The following PPP1R26 variants were observed in gnomAD, a reference collection of about 807,000 sequenced individuals.
The protein encoded by PPP1R26 is 1A6/DRIM (down-regulated in metastasis) interacting protein.
PPP1R26 carries 22 observed loss-of-function variants against 67.6 expected under a neutral mutation model. The observed-to-expected ratio is 0.33, with a 90% CI of 0.23 to 0.46. The LOEUF is 0.46. PPP1R26 is among the 20% of genes least tolerant of loss of function. The pLI is 1.00. For synonymous variants in PPP1R26, 729 were observed against 717.2 expected, an observed-to-expected ratio of 1.02 and a Z score of -0.26; for missense variants, 1,602 against 1,651.4, an observed-to-expected ratio of 0.97 and a Z score of 0.52.
At chr9:135,483,191 TA>T (rs902869162) in intron 2 of PPP1R26, among the ~76,000 whole-genome samples, 6 of 151,976 alleles carry the variant, frequency 3.9e-5, no homozygotes, top group African/African-American at 1.5e-4. Context: ...GGAGTTTCAC[TA>T]TATTGGTCAG....
Position 135,487,647 on chromosome 9 carries a change from G to T in PPP1R26, c.3137G>T (p.Gly1046Val). ...AGCCCGTGGGTGCTGCGCTCCGAAG[G>T]CAGAGATGCAGTGTGGAGGGGGGGC... ...LPSPWVLRSE[G>V]RDAVWRGGVG... Residue 1046 changes from glycine (G) to valine (V), a missense_variant, in exon 4 of 4, where the codon GGC becomes GTC. By Grantham distance (109) the Gly-to-Val change is moderately radical. Coordinates refer to ENST00000356818, the MANE Select transcript of PPP1R26 (RefSeq NM_014811.5). The T allele has an allele frequency of 6.8e-7, 1 of 1,473,208 alleles. No individual in the cohort carries two copies. The highest frequency in any genetic ancestry group is 9.0e-7 in the Non-Finnish European group (1 of 1,111,914). The allele number at this position is 1,473,208 out of a possible 1,614,324, so 91.3% of individuals were successfully genotyped here. A position where few individuals can be genotyped will look rare whatever the true frequency, so the allele number is the denominator to read the frequency against.
Position 135,484,755 on chromosome 9 carries a change from G to T in PPP1R26, c.245G>T (p.Arg82Met). The change falls in exon 4 of 4, where the codon AGG becomes ATG. Residue 82 changes from arginine (R) to methionine (M), a missense_variant. By Grantham distance (91) the Arg-to-Met change is moderately conservative (BLOSUM62 -1). This residue lies in a region of PPP1R26 where 168 missense variants were observed against 176.1 expected (regional missense o/e 0.95). Coordinates refer to ENST00000356818, the MANE Select transcript of PPP1R26 (RefSeq NM_014811.5). ...AGGGCAGAGGGATGCCACGACGCCA[G>T]GCCGGCTGCCAAGCCCACCGTGCAC... ...GHRAEGCHDARPAAKPTVHKE... is the reference protein window; with the variant it reads ...GHRAEGCHDAMPAAKPTVHKE... 6.2e-7 allele frequency: 1 copy of T among 1,610,580 alleles called. No individual in the cohort carries two copies. Among genetic ancestry groups the T allele is most frequent in the Non-Finnish European group, 8.5e-7 (1 of 1,179,110 alleles).
rs1165282380 is a variant in PPP1R26 at position 135,479,800 on chromosome 9, C to G, written c.-551C>G. ...CGCCCCTCCCCTCCCGCGCTTCCCA[C>G]GGCGCGGCCCGGGCGCGGGGCGGCG... On this transcript the variant is annotated 5_prime_UTR_variant, in exon 1 of 4. Transcript: ENST00000356818. This position sits in a 1 kb window ranked among gnomAD's most constrained non-coding sequence, Gnocchi z 5.9. 2 of 142,008 alleles carry G rather than the reference C, an allele frequency of 1.4e-5. No homozygotes were observed. Among genetic ancestry groups the G allele is most frequent in the Non-Finnish European group, 3.1e-5 (2 of 64,382 alleles). The allele number at this position is 142,008 out of a possible 1,614,324, so 8.8% of individuals were successfully genotyped here. A position where few individuals can be genotyped will look rare whatever the true frequency, so the allele number is the denominator to read the frequency against.
Position 135,484,944 on chromosome 9 carries a change from G to C in PPP1R26, c.434G>C (p.Ser145Thr). Residue 145 changes from serine to threonine, a missense_variant, in exon 4 of 4, where the codon AGT (serine) becomes ACT (threonine). Coordinates refer to ENST00000356818, the MANE Select transcript of PPP1R26 (RefSeq NM_014811.5). Reference protein sequence around the residue: ...EAIQEYLKAKSGAAQPGAGGA... With the variant: ...EAIQEYLKAKTGAAQPGAGGA... ...ATCCAGGAGTACCTGAAGGCAAAGAGTGGAGCCGCACAGCCCGGGGCCGGC... is the reference window on the plus strand; with the variant it reads ...ATCCAGGAGTACCTGAAGGCAAAGACTGGAGCCGCACAGCCCGGGGCCGGC... 6.3e-7 allele frequency: 1 copy of C among 1,581,156 alleles called. No individual in the cohort carries two copies. Among genetic ancestry groups the C allele is most frequent in the Non-Finnish European group, 8.6e-7 (1 of 1,163,292 alleles).
Position 135,486,426 on chromosome 9 carries a change from T to C in PPP1R26, c.1916T>C (p.Ile639Thr). The change falls in exon 4 of 4, where the codon ATC (isoleucine) becomes ACC (threonine). Residue 639 changes from isoleucine (I) to threonine (T), a missense_variant. Transcript: ENST00000356818. This position sits in a 1 kb window ranked among gnomAD's most constrained non-coding sequence, Gnocchi z 6.2. Reference protein sequence around the residue: ...EPGHERRDLPIQGKASEALGG... With the variant: ...EPGHERRDLPTQGKASEALGG... ...GGCCATGAGAGGCGAGACCTGCCCA[T>C]CCAGGGCAAAGCCAGTGAGGCCCTG... 2 of 1,612,970 alleles carry C rather than the reference T, an allele frequency of 1.2e-6. No individual in the cohort carries two copies. Among genetic ancestry groups the C allele is most frequent in the Non-Finnish European group, 1.7e-6 (2 of 1,179,816 alleles).
chr9:135,487,560 C>G lies in PPP1R26; in HGVS notation c.3050C>G (p.Ala1017Gly). 3 of 1,561,062 alleles carry G rather than the reference C, an allele frequency of 1.9e-6. No individual in the cohort carries two copies. Among genetic ancestry groups the G allele is most frequent in the Non-Finnish European group, 1.7e-6 (2 of 1,155,008 alleles). The stretch of plus-strand genomic sequence containing the variant: ...CCCAGCCCGGGAGCGGAGAGGGACG[C>G]TGGAGCCCAGGCCGACCGCACACCG... ...LTPSPGAERD[A>G]GAQADRTPPW... is the part of the protein sequence containing the mutation. Residue 1017 changes from alanine to glycine, a missense_variant, in exon 4 of 4, where the codon GCT (alanine) becomes GGT (glycine). Ala to Gly is a moderately conservative substitution (Grantham distance 60). Transcript: ENST00000356818.
At chr9:135,480,914 CCGCT>C (rs1267833980) in intron 1 of PPP1R26, 1 of 152,526 alleles carries the variant, frequency 6.6e-6, no homozygotes, top group Admixed American at 6.5e-5. Context: ...GGAGGTAAGA[CCGCT>C]GGCTGAGCTG....
chr9:135,481,992 C>T (rs1449001835), intron 1 of PPP1R26, among the ~76,000 whole-genome samples: 1 of 152,204 alleles, frequency 6.6e-6, no homozygotes, highest in Non-Finnish European at 1.5e-5. Context: ...TCCAGGCCTT[C>T]TCTGCAACCA....
chr9:135,486,849 T>A lies in PPP1R26; in HGVS notation c.2339T>A (p.Met780Lys), dbSNP rs1830753151. 1.2e-6 allele frequency: 2 copies of A among 1,611,314 alleles called. No individual in the cohort carries two copies. Among genetic ancestry groups the A allele is most frequent in the African/African-American group, 2.7e-5 (2 of 74,868 alleles). The change falls in exon 4 of 4, where the codon ATG (methionine) becomes AAG (lysine). Residue 780 changes from methionine (M) to lysine (K), a missense_variant. Met to Lys is a moderately conservative substitution (Grantham distance 95, BLOSUM62 -1). Coordinates refer to ENST00000356818, the MANE Select transcript of PPP1R26 (RefSeq NM_014811.5). This position sits in a 1 kb window ranked among gnomAD's most constrained non-coding sequence, Gnocchi z 6.2. ...PSVFGSTAER[M>K]RQEGAASQDA... ...GTCTTTGGCAGCACGGCAGAGAGGA[T>A]GAGGCAGGAGGGTGCCGCGAGCCAG...
At position 135,485,365 on chromosome 9, in the gene PPP1R26, G is replaced by A; in HGVS notation, c.855G>A (p.Lys285=). 6.2e-7 allele frequency: 1 copy of A among 1,612,890 alleles called. No homozygotes were observed. The highest frequency in any genetic ancestry group is 1.7e-5 in the Admixed American group (1 of 60,010). Residue 285 remains lysine (K), a synonymous_variant, in exon 4 of 4, where the codon AAG becomes AAA. Transcript: ENST00000356818. The surrounding 1 kb of genome is among the most constrained non-coding windows in gnomAD (Gnocchi z 7.2). ...VHRQGLLGVQ[K]EFAFRKPPRL... ...GGCAGGGCCTGCTGGGCGTCCAGAA[G>A]GAGTTTGCCTTCCGCAAACCTCCCC...
Position 135,484,574 on chromosome 9 carries a change from C to T in PPP1R26, c.64C>T (p.Pro22Ser). ...GTCCAAATGGGAGGCCTTTGGCCCG[C>T]CAGGGAGCTGTAGGTTCCCCAGGTG... ...LQSKWEAFGP[P>S]GSCRFPRCFS... is the part of the protein sequence containing the mutation. Residue 22 changes from proline (P) to serine (S), a missense_variant, in exon 4 of 4, where the codon CCA becomes TCA. This residue lies in a region of PPP1R26 where 168 missense variants were observed against 176.1 expected (regional missense o/e 0.95). Coordinates refer to ENST00000356818, the MANE Select transcript of PPP1R26 (RefSeq NM_014811.5). 6.2e-7 allele frequency: 1 copy of T among 1,612,352 alleles called. No individual in the cohort carries two copies. The highest frequency in any genetic ancestry group is 8.5e-7 in the Non-Finnish European group (1 of 1,179,914).
chr9:135,486,888 C>T lies in PPP1R26; in HGVS notation c.2378C>T (p.Ala793Val). The change falls in exon 4 of 4, where the codon GCC becomes GTC. Residue 793 changes from alanine to valine, a missense_variant. Ala to Val is a moderately conservative substitution (Grantham distance 64). This residue lies in a region of PPP1R26 where 740 missense variants were observed against 696.3 expected (regional missense o/e 1.06). Transcript: ENST00000356818. The surrounding 1 kb of genome is among the most constrained non-coding windows in gnomAD (Gnocchi z 6.2). ...GCCGCGAGCCAGGACGCGGCCCTGG[C>T]CTTCCGGGTGAGGAGACCCGCCTCC... ...EGAASQDAALAFRVRRPASAS... is the reference protein window; with the variant it reads ...EGAASQDAALVFRVRRPASAS... The T allele has an allele frequency of 6.2e-7, 1 of 1,612,574 alleles. No homozygotes were observed. Among genetic ancestry groups the T allele is most frequent in the Non-Finnish European group, 8.5e-7 (1 of 1,179,834 alleles).
In PPP1R26 at chr9:135,488,062, C is replaced by A; in HGVS notation, c.3552C>A (p.Asp1184Glu). The A allele has an allele frequency of 6.3e-7, 1 of 1,592,222 alleles. No individual in the cohort carries two copies. Among genetic ancestry groups the A allele is most frequent in the Non-Finnish European group, 8.5e-7 (1 of 1,170,832 alleles). The change falls in exon 4 of 4, where the codon GAC becomes GAA. Residue 1184 changes from aspartate to glutamate, a missense_variant. Around this residue, in one of 5 missense-constraint regions of PPP1R26, gnomAD observed 740 missense variants for 696.3 expected, o/e 1.06. Transcript: ENST00000356818. ...RRVNRDDQEQ[D>E]ALGSDASDFS... ...TCAACAGGGATGACCAGGAGCAGGA[C>A]GCCTTGGGCAGTGACGCCAGTGACT...
rs981110234 is a variant in PPP1R26, at chr9:135,487,800, G to T, written c.3290G>T (p.Gly1097Val). Residue 1097 changes from glycine (G) to valine (V), a missense_variant, in exon 4 of 4, where the codon GGC becomes GTC. By Grantham distance (109) the Gly-to-Val change is moderately radical (BLOSUM62 -3). This residue lies in a region of PPP1R26 where 740 missense variants were observed against 696.3 expected (regional missense o/e 1.06). Transcript: ENST00000356818. The stretch of plus-strand genomic sequence containing the variant: ...TTTGGAAAGGGTGTCTCCTGGGGGG[G>T]CAGGCAGGCTGGCCTCTTCAGCCCC... ...FHFGKGVSWG[G>V]RQAGLFSPHL... 6.3e-7 allele frequency: 1 copy of T among 1,577,144 alleles called. No individual in the cohort carries two copies. Among genetic ancestry groups the T allele is most frequent in the Non-Finnish European group, 8.6e-7 (1 of 1,165,538 alleles).
rs755349709 is a variant in PPP1R26 at position 135,486,173 on chromosome 9, G to A, written c.1663G>A (p.Gly555Ser). The part of the protein sequence containing the change: ...KAQSGSLLAR[G>S]ESCPQAAQGP... ...GCAGTCAGGGAGTTTGCTGGCCAGA[G>A]GTGAGAGCTGCCCGCAGGCTGCCCA... The change falls in exon 4 of 4, where the codon GGT becomes AGT. Residue 555 changes from glycine (G) to serine (S), a missense_variant. Gly to Ser is a moderately conservative substitution (Grantham distance 56). Coordinates refer to ENST00000356818, the MANE Select transcript of PPP1R26 (RefSeq NM_014811.5). The surrounding 1 kb of genome is among the most constrained non-coding windows in gnomAD (Gnocchi z 6.2). The A allele has an allele frequency of 6.2e-7, 1 of 1,613,022 alleles. No homozygotes were observed. Among genetic ancestry groups the A allele is most frequent in the Non-Finnish European group, 8.5e-7 (1 of 1,180,032 alleles).
At position 135,483,910 on chromosome 9, in the gene PPP1R26, A is replaced by C. The variant is rs575972012; in HGVS notation, c.-195-40A>C. 16 of 398,722 alleles carry C rather than the reference A, an allele frequency of 4.0e-5. 1 individual carries two copies. The South Asian group carries it at 2.0e-3, about 51-fold the overall frequency. 24.7% of individuals were successfully genotyped at this position (398,722 alleles called of 1,614,324 possible). A position where few individuals can be genotyped will look rare whatever the true frequency, so the allele number is the denominator to read the frequency against. On this transcript the variant is annotated intron_variant, in intron 2 of 3. Coordinates refer to ENST00000356818, the MANE Select transcript of PPP1R26 (RefSeq NM_014811.5). ...AGCCCTTCAAGATGTTTGGGGAAAT[A>C]ATTTCTGAGTGGCTCACATCATACA...
In PPP1R26 at chr9:135,487,699, C is replaced by G; in HGVS notation, c.3189C>G (p.Ser1063=). The G allele has an allele frequency of 6.9e-7, 1 of 1,450,702 alleles. No individual in the cohort carries two copies. The highest frequency in any genetic ancestry group is 1.5e-5 in the South Asian group (1 of 68,694). 89.9% of individuals were successfully genotyped at this position (1,450,702 alleles called of 1,614,324 possible). The change falls in exon 4 of 4, where the codon TCC becomes TCG. Residue 1063 remains serine, a synonymous_variant. Transcript: ENST00000356818. The part of the protein sequence containing the change: ...GGVGSERDKG[S]EGPARGLPSL... The stretch of plus-strand genomic sequence containing the variant: ...TCGGGAGCGAGAGAGACAAGGGGTC[C>G]GAGGGCCCCGCCCGGGGCCTGCCCA...
chr9:135,484,700 A>C lies in PPP1R26; in HGVS notation c.190A>C (p.Ser64Arg). Residue 64 changes from serine to arginine, a missense_variant, in exon 4 of 4, where the codon AGC becomes CGC. Transcript: ENST00000356818. ...GCGCGACGGGGCTGCTCGGGGCACC[A>C]GCGATGAGCGCGCCGCACAGAGGGG... ...LQRDGAARGT[S>R]DERAAQRGHR... is the part of the protein sequence containing the mutation. The C allele has an allele frequency of 6.2e-7, 1 of 1,609,988 alleles. No homozygotes were observed. The highest frequency in any genetic ancestry group is 8.5e-7 in the Non-Finnish European group (1 of 1,179,312).
At chr9:135,480,543 C>G (rs12554662) in intron 1 of PPP1R26, 42,050 of 152,212 alleles carry the variant, frequency 0.28, 6,774 homozygotes, top group East Asian at 0.65. Context: ...TCGCCGATCC[C>G]AGCGGCTAGG....
Sources: gnomAD v4.1 joint callset for allele counts (sites outside exome capture counted in the v4.1 genomes callset) on GRCh38, gnomAD v4.1.1 for gene constraint, gnomAD v4.1.1 regional missense constraint, Gnocchi (gnomAD v3.1) non-coding constraint, MANE v1.5 for transcripts, NCBI Gene and HGNC (gene_info 2026-07-23, HGNC 2026-07-21) for gene names.